The following PANK3 variants were observed in gnomAD, a reference collection of about 807,000 sequenced individuals.
The protein encoded by PANK3 is hPanK3.
A neutral mutation model predicts 39.4 loss-of-function variants in PANK3; 20 were observed. The observed-to-expected ratio is 0.51, with a 90% CI of 0.36 to 0.74. The LOEUF (loss-of-function observed/expected upper bound fraction) is 0.74. Ranked by LOEUF, PANK3 falls within the 30% of genes least tolerant of loss-of-function variation. The pLI, the probability that PANK3 is intolerant of heterozygous loss-of-function variation, is 0.00. For synonymous variants in PANK3, 140 were observed against 157.3 expected (o/e 0.89, Z 0.82); for missense variants, 265 against 437.0 (o/e 0.61, Z 3.51).
intron 2 of PANK3, among the ~76,000 whole-genome samples, chr5:168,568,395 C>T (rs1759568303): frequency 6.6e-6 from 1 of 152,070 alleles, no homozygotes; most frequent in African/African-American, 2.4e-5. Context: ...TCCCCAAATC[C>T]CCTTTTTATT....
chr5:168,577,934 A>T (rs1212721812), intron 1 of PANK3, among the ~76,000 whole-genome samples: 2 of 152,228 alleles, frequency 1.3e-5, no homozygotes, highest in East Asian at 3.8e-4. Flanking sequence ...TGAAAATTTA[A>T]AGTCTCTCTA....
chr5:168,560,253 T>C (rs929842539), intron 5 of PANK3, among the ~76,000 whole-genome samples: 6 of 152,208 alleles, frequency 3.9e-5, no homozygotes, highest in Non-Finnish European at 8.8e-5. Context: ...AAGTTCTGGA[T>C]TTAAATACAG....
rs1759234061 is a variant in PANK3, at chr5:168,548,975, T to C, written c.*8596A>G. ...ACTGAAATGGCATGTGTAAGTAAAATTAATCCCCAAATTAAAGGATTCCTT... is the reference window on the plus strand; with the variant it reads ...ACTGAAATGGCATGTGTAAGTAAAACTAATCCCCAAATTAAAGGATTCCTT... On this transcript the variant is annotated 3_prime_UTR_variant, in exon 7 of 7. Coordinates refer to ENST00000239231, the MANE Select transcript of PANK3 (RefSeq NM_024594.4). 6.6e-6 allele frequency: 1 copy of C among 152,120 alleles called. No homozygotes were observed. Among genetic ancestry groups the C allele is most frequent in the Non-Finnish European group, 1.5e-5 (1 of 68,002 alleles). 9.4% of individuals were successfully genotyped at this position (152,120 alleles called of 1,614,324 possible).
In PANK3 at chr5:168,549,154, C is replaced by T. The variant is rs907471478; in HGVS notation, c.*8417G>A. 2 of 152,136 alleles carry T rather than the reference C, an allele frequency of 1.3e-5. No individual in the cohort carries two copies. Among genetic ancestry groups the T allele is most frequent in the African/African-American group, 4.8e-5 (2 of 41,438 alleles). 9.4% of individuals were successfully genotyped at this position (152,136 alleles called of 1,614,324 possible). ...GTGTATAAAAAATAATAAAAACCAT[C>T]TTAATATTGCTTACATCCTAATACT... On this transcript the variant is annotated 3_prime_UTR_variant, in exon 7 of 7. Coordinates refer to ENST00000239231, the MANE Select transcript of PANK3 (RefSeq NM_024594.4).
intron 1 of PANK3, among the ~76,000 whole-genome samples, chr5:168,577,124 C>T (rs1043492730): frequency 6.6e-6 from 1 of 151,878 alleles, no homozygotes; most frequent in Non-Finnish European, 1.5e-5. Flanking sequence ...CGTGATCTGC[C>T]CCACTCAGCC....
intron 1 of PANK3, among the ~76,000 whole-genome samples, chr5:168,575,374 C>G (rs895442247): frequency 6.6e-6 from 1 of 152,226 alleles, no homozygotes; most frequent in Non-Finnish European, 1.5e-5. Flanking sequence ...CAGAAGCTAT[C>G]TAGCCACAAG....
chr5:168,575,193 T>G (rs1197723913), intron 1 of PANK3, among the ~76,000 whole-genome samples: 1 of 152,202 alleles, frequency 6.6e-6, no homozygotes, highest in African/African-American at 2.4e-5. Context: ...AACAAAATAA[T>G]AGCTCTTATT....
At chr5:168,565,887 T>TATATATATATATACATATATATATATA (rs57306546) in intron 3 of PANK3, 126 bp downstream of exon 3, 1 of 147,098 alleles carries the variant, frequency 6.8e-6, no homozygotes, top group South Asian at 2.6e-4. Context: ...ATATATATAT[T>TATATATATATATACATATATATATATA]TTTTTTTTTT....
chr5:168,558,220 C>T (rs1449549595), intron 6 of PANK3, among the ~76,000 whole-genome samples: 1 of 147,268 alleles, frequency 6.8e-6, no homozygotes, highest in Non-Finnish European at 1.5e-5. Context: ...AGTGCAGTGG[C>T]GCCATCTCGA....
intron 1 of PANK3, among the ~76,000 whole-genome samples, chr5:168,576,572 T>C (rs1358863115): frequency 1.3e-5 from 2 of 152,198 alleles, no homozygotes; most frequent in Non-Finnish European, 2.9e-5. Flanking sequence ...TTTTAAATCT[T>C]CTGGTTAATA....
chr5:168,565,883 ATAT>A, intron 3 of PANK3, 127 bp downstream of exon 3: 4 of 228,162 alleles, frequency 1.8e-5, no homozygotes, highest in Middle Eastern at 1.9e-3. Flanking sequence ...ATATATATAT[ATAT>A]TTTTTTTTTT....
rs1582466119 is a variant in PANK3 at position 168,569,050 on chromosome 5, T to A, written c.29-52A>T. On this transcript the variant is annotated intron_variant, in intron 1 of 6. Coordinates refer to ENST00000239231, the MANE Select transcript of PANK3 (RefSeq NM_024594.4). ...AAAAAAATATATATATATATATATA[T>A]CCATTTTAGAAACACAAATTAAAAA... is the stretch of plus-strand genomic sequence containing the variant. 5.0e-6 allele frequency: 2 copies of A among 398,062 alleles called. 1 individual carries two copies. The highest frequency in any genetic ancestry group is 7.4e-6 in the Non-Finnish European group (2 of 269,596). The allele number at this position is 398,062 out of a possible 1,614,324, so 24.7% of individuals were successfully genotyped here.
At chr5:168,569,788 C>T (rs1479236218) in intron 1 of PANK3, among the ~76,000 whole-genome samples, 1 of 152,188 alleles carries the variant, frequency 6.6e-6, no homozygotes, top group African/African-American at 2.4e-5. Flanking sequence ...ATGGTGCTCA[C>T]ACCTGAAATC....
At chr5:168,579,144 C>G (rs1759786995) in intron 1 of PANK3, 112 bp downstream of exon 1, 1 of 1,001,918 alleles carries the variant, frequency 1.0e-6, no homozygotes, top group Non-Finnish European at 1.4e-6. Flanking sequence ...CCATACCGGA[C>G]GAAGCGCCGG....
Sources: allele counts gnomAD v4.1 joint callset (sites outside exome capture counted in the v4.1 genomes callset), GRCh38; gene constraint gnomAD v4.1.1; transcripts MANE v1.5; gene names NCBI Gene and HGNC (gene_info 2026-07-23, HGNC 2026-07-21).